The following HPSE2 variants were observed in gnomAD, a reference collection of about 807,000 sequenced individuals.
HPSE2 encodes heparanase 2 (inactive).
A neutral mutation model predicts 60.5 loss-of-function variants in HPSE2; 38 were observed. That is an observed-to-expected ratio of 0.63 (90% CI 0.48 to 0.82). The LOEUF is 0.82. Ranked by LOEUF, HPSE2 falls within the 40% of genes least tolerant of loss-of-function variation. The pLI, the probability that HPSE2 is intolerant of heterozygous loss-of-function variation, is 0.00. For missense variants in HPSE2, 713 were observed against 740.4 expected (o/e 0.96, Z 0.43); for synonymous variants, 295 against 293.2 (o/e 1.01, Z -0.06).
At chr10:98,693,833 G>T in intron 6 of HPSE2, 67 bp downstream of exon 6, 1 of 1,222,482 alleles carries the variant, frequency 8.2e-7, no homozygotes, top group South Asian at 1.2e-5. Flanking sequence ...TGAACTTAGT[G>T]ACAACTAATT....
chr10:99,258,698 T>G, the HPSE2 span, among the ~76,000 whole-genome samples: 1 of 152,214 alleles, frequency 6.6e-6, no homozygotes, highest in Non-Finnish European at 1.5e-5. Context: ...TAGAGCAGAA[T>G]AGAGTCCAAG....
rs145406370 is a variant in HPSE2 at position 98,709,654 on chromosome 10, C to T, written c.956+12003G>A. On this transcript the variant is annotated intron_variant, in intron 5 of 11. Transcript: ENST00000370552. ...GCTACTATAGAAAATAACAAAATAT[C>T]TCCTTTCATTGTGAGAGTTCCTACC... 2.0e-5 allele frequency among the ~76,000 whole-genome samples: 3 copies of T among 152,322 alleles called. No homozygotes were observed. The East Asian group carries it at 5.8e-4, about 29-fold the overall frequency.
intron 2 of HPSE2, among the ~76,000 whole-genome samples, chr10:99,207,285 T>C (rs1288820455): frequency 1.3e-5 from 2 of 152,116 alleles, no homozygotes; most frequent in African/African-American, 4.8e-5. Flanking sequence ...TACCCAATCA[T>C]AGATACCGTA....
At chr10:98,746,322 TA>T (rs1949628644) in intron 3 of HPSE2, among the ~76,000 whole-genome samples, 1 of 125,980 alleles carries the variant, frequency 7.9e-6, no homozygotes, top group South Asian at 2.7e-4. Flanking sequence ...TGCCATTAGG[TA>T]AAAAAATAAT....
At chr10:99,251,779 C>T in the HPSE2 span, among the ~76,000 whole-genome samples, 1 of 143,120 alleles carries the variant, frequency 7.0e-6, no homozygotes, top group Non-Finnish European at 1.5e-5. Context: ...AATTCCAGCA[C>T]TTTAAGCAGC....
chr10:99,022,422 A>T (rs1310165231), intron 3 of HPSE2, among the ~76,000 whole-genome samples: 1 of 152,158 alleles, frequency 6.6e-6, no homozygotes, highest in African/African-American at 2.4e-5. Flanking sequence ...AGTCTAGGCC[A>T]TAAGGACTGC....
At chr10:98,539,654 C>G (rs535744847) in intron 9 of HPSE2, among the ~76,000 whole-genome samples, 40 of 152,244 alleles carry the variant, frequency 2.6e-4, no homozygotes, top group African/African-American at 9.4e-4. Flanking sequence ...CTACCTTTTT[C>G]TTACCCTCTC....
chr10:98,808,126 A>G (rs952582266), intron 3 of HPSE2, among the ~76,000 whole-genome samples: 2 of 152,168 alleles, frequency 1.3e-5, no homozygotes, highest in African/African-American at 4.8e-5. Flanking sequence ...CTGCATCTCT[A>G]TATGAAGAAT....
chr10:98,961,491 AG>A (rs1288354098), intron 3 of HPSE2, among the ~76,000 whole-genome samples: 10 of 51,536 alleles, frequency 1.9e-4, no homozygotes, highest in African/African-American at 9.9e-4. Flanking sequence ...TCTGATGGCC[AG>A]TGATGATGAG....
chr10:99,153,656 A>G (rs567418258), intron 2 of HPSE2, among the ~76,000 whole-genome samples: 1 of 152,312 alleles, frequency 6.6e-6, no homozygotes, highest in East Asian at 1.9e-4. Context: ...TGGGGAAAAA[A>G]CAGAGCAGAA....
intron 6 of HPSE2, among the ~76,000 whole-genome samples, chr10:98,649,300 T>C (rs1946854866): frequency 6.6e-6 from 1 of 152,216 alleles, no homozygotes. Flanking sequence ...GAGTCTTACA[T>C]ATATTAAGTT....
chr10:99,154,561 T>C (rs911144463), intron 2 of HPSE2, among the ~76,000 whole-genome samples: 2 of 150,886 alleles, frequency 1.3e-5, no homozygotes, highest in African/African-American at 4.9e-5. Context: ...CTGAGAGATT[T>C]TGTCACCACC....
chr10:99,053,286 A>G (rs924326531), intron 3 of HPSE2, among the ~76,000 whole-genome samples: 1 of 152,144 alleles, frequency 6.6e-6, no homozygotes. Context: ...ATTGTATGGA[A>G]GTAGTATAAT....
intron 3 of HPSE2, among the ~76,000 whole-genome samples, chr10:98,996,523 T>C (rs2135358098): frequency 6.6e-6 from 1 of 152,324 alleles, no homozygotes; most frequent in East Asian, 1.9e-4. Context: ...AAAATCTATG[T>C]CTATAAAAAG....
chr10:98,736,523 T>G (rs1949362414), intron 4 of HPSE2, among the ~76,000 whole-genome samples: 1 of 152,150 alleles, frequency 6.6e-6, no homozygotes, highest in Non-Finnish European at 1.5e-5. Context: ...TCACTTCCCT[T>G]AATAATCAAA....
chr10:98,632,501 CTTTGGTGGTA>C (rs1024714578), intron 7 of HPSE2, among the ~76,000 whole-genome samples: 1 of 152,060 alleles, frequency 6.6e-6, no homozygotes, highest in African/African-American at 2.4e-5. Flanking sequence ...CTTTGGTGTT[CTTTGGTGGTA>C]AACATATCTT....
At chr10:98,504,068 GAAAT>G (rs980878860) in intron 9 of HPSE2, among the ~76,000 whole-genome samples, 25 of 152,258 alleles carry the variant, frequency 1.6e-4, no homozygotes, top group African/African-American at 5.5e-4. Flanking sequence ...TACGAAAGGT[GAAAT>G]AAATAAATAA....
intron 3 of HPSE2, among the ~76,000 whole-genome samples, chr10:98,835,958 A>G (rs1951780891): frequency 6.6e-6 from 1 of 152,142 alleles, no homozygotes; most frequent in Non-Finnish European, 1.5e-5. Context: ...ATGTAATCAA[A>G]CTGAACTCGA....
At chr10:98,854,763 G>A (rs1425666340) in intron 3 of HPSE2, among the ~76,000 whole-genome samples, 1 of 152,090 alleles carries the variant, frequency 6.6e-6, no homozygotes, top group Non-Finnish European at 1.5e-5. Flanking sequence ...ACTAGCTGAT[G>A]GGCAAGAAAA....
Sources: allele counts gnomAD v4.1 joint callset (sites outside exome capture counted in the v4.1 genomes callset), GRCh38; gene constraint gnomAD v4.1.1; transcripts MANE v1.5; gene names NCBI Gene and HGNC (gene_info 2026-07-23, HGNC 2026-07-21).